ABHD5: variants seen among roughly 807,000 people sequenced by gnomAD.
The protein encoded by ABHD5 is abhydrolase domain containing 5, lysophosphatidic acid acyltransferase.
Under a neutral mutation model 44.9 loss-of-function variants are expected in ABHD5, and 30 were observed. The observed-to-expected ratio is 0.67, with a 90% CI of 0.50 to 0.91. The LOEUF (loss-of-function observed/expected upper bound fraction) is 0.91. ABHD5 is among the 40% of genes least tolerant of loss of function. The pLI is 0.00. For synonymous variants in ABHD5, 167 were observed against 147.0 expected (o/e 1.14, Z -0.99); for missense variants, 399 against 423.4 (o/e 0.94, Z 0.50).
In ABHD5 at chr3:43,717,703, C is replaced by T. The variant is rs773285310; in HGVS notation, c.806C>T (p.Pro269Leu). ...ACAGCTTTCAAGAATATGACTATTC[C>T]TTATGGATGGGCAAAAAGGCCAATG... ...GETAFKNMTI[P>L]YGWAKRPMLQ... Residue 269 changes from proline to leucine, a missense_variant, in exon 6 of 7, where the codon CCT becomes CTT. Pro to Leu is a moderately conservative substitution (Grantham distance 98, BLOSUM62 -3). Transcript: ENST00000644371. The T allele has an allele frequency of 4.3e-6, 7 of 1,614,046 alleles. No homozygotes were observed. The East Asian group carries it at 1.6e-4, about 36-fold the overall frequency.
In ABHD5 at chr3:43,717,782, C is replaced by T. The variant is rs746970260; in HGVS notation, c.885C>T (p.Gly295=). 44 of 1,614,120 alleles carry T rather than the reference C, an allele frequency of 2.7e-5. No homozygotes were observed. Among genetic ancestry groups the T allele is most frequent in the South Asian group, 2.6e-4 (24 of 91,092 alleles). The part of the protein sequence containing the change: ...HPDIPVSVIF[G]ARSCIDGNSG... Reference sequence around the variant, plus strand: ...ACATTCCAGTTTCAGTGATCTTTGGCGCCCGATCCTGCATAGATGGCAATT... The same window carrying T: ...ACATTCCAGTTTCAGTGATCTTTGGTGCCCGATCCTGCATAGATGGCAATT... The change falls in exon 6 of 7, where the codon GGC becomes GGT. Residue 295 remains glycine, a synonymous_variant. Transcript: ENST00000644371.
chr3:43,711,663 G>C, intron 3 of ABHD5, 46 bp from the exon 4 acceptor site: 1 of 1,605,174 alleles, frequency 6.2e-7, no homozygotes, highest in Non-Finnish European at 8.5e-7. Flanking sequence ...TATAGTCTTA[G>C]GGTGATTTTA....
In ABHD5 at chr3:43,718,637, C is replaced by A. The variant is rs540845485; in HGVS notation, c.*105C>A. The A allele has an allele frequency of 6.4e-6, 7 of 1,092,622 alleles. No homozygotes were observed. The highest frequency in any genetic ancestry group is 1.5e-5 in the African/African-American group (1 of 64,522). The allele number at this position is 1,092,622 out of a possible 1,614,324, so 67.7% of individuals were successfully genotyped here. Reference sequence around the variant, plus strand: ...GTGAATACAACACACAACCAGGCAGCCTTCTTGACTATACTTTGCACATGT... The same window carrying A: ...GTGAATACAACACACAACCAGGCAGACTTCTTGACTATACTTTGCACATGT... On this transcript the variant is annotated 3_prime_UTR_variant, in exon 7 of 7. Coordinates refer to ENST00000644371, the MANE Select transcript of ABHD5 (RefSeq NM_016006.6).
In ABHD5 at chr3:43,699,334, A is replaced by G; in HGVS notation, c.106A>G (p.Lys36Glu). Residue 36 changes from lysine (K) to glutamate (E), a missense_variant, in exon 2 of 7, where the codon AAA becomes GAA. Coordinates refer to ENST00000644371, the MANE Select transcript of ABHD5 (RefSeq NM_016006.6). ...TWCPTSISHL[K>E]EAEEKMLKCV... ...GTGCCCTACGTCTATATCACACCTTAAAGAAGCTGAAGAGAAGATGTTAAA... is the reference window on the plus strand; with the variant it reads ...GTGCCCTACGTCTATATCACACCTTGAAGAAGCTGAAGAGAAGATGTTAAA... 2 of 1,613,948 alleles carry G rather than the reference A, an allele frequency of 1.2e-6. No homozygotes were observed. Among genetic ancestry groups the G allele is most frequent in the Middle Eastern group, 1.6e-4 (1 of 6,062 alleles).
chr3:43,701,520 TTAAAG>T (rs1473799109), intron 2 of ABHD5, among the ~76,000 whole-genome samples: 1 of 152,196 alleles, frequency 6.6e-6, no homozygotes, highest in Non-Finnish European at 1.5e-5. Flanking sequence ...TTGGGAGTGT[TTAAAG>T]TATTTAGTTC....
chr3:43,711,087 A>T (rs1559415951), intron 3 of ABHD5, among the ~76,000 whole-genome samples: 1 of 152,240 alleles, frequency 6.6e-6, no homozygotes, highest in Non-Finnish European at 1.5e-5. Flanking sequence ...ATCATGGATA[A>T]GGTAGATAGA....
chr3:43,698,757 G>T (rs965449429), intron 1 of ABHD5, among the ~76,000 whole-genome samples: 3 of 152,196 alleles, frequency 2.0e-5, no homozygotes, highest in African/African-American at 7.2e-5. Flanking sequence ...TCCCACATTT[G>T]TGTTAGGGGT....
intron 2 of ABHD5, 128 bp downstream of exon 2, chr3:43,699,489 TC>T (rs1355768599): frequency 1.1e-6 from 1 of 926,934 alleles, no homozygotes; most frequent in African/African-American, 1.6e-5. Flanking sequence ...TTTTTCCTTT[TC>T]CTTGTCATTA....
In ABHD5 at chr3:43,711,717, A is replaced by G. The variant is rs1430242765; in HGVS notation, c.515A>G (p.His172Arg). The change falls in exon 4 of 7, where the codon CAT becomes CGT. Residue 172 changes from histidine to arginine, a missense_variant. Physicochemically the swap from His to Arg is conservative, Grantham distance 29 (BLOSUM62 0). Transcript: ENST00000644371. ...YSLKYPSRVN[H>R]LILVEPWGFP... The stretch of plus-strand genomic sequence containing the variant: ...ATTCTTTCCCCCAACAGGGTTAATC[A>G]TCTCATTTTAGTGGAGCCTTGGGGT... 2 of 1,614,156 alleles carry G rather than the reference A, an allele frequency of 1.2e-6. No individual in the cohort carries two copies. The highest frequency in any genetic ancestry group is 1.1e-5 in the South Asian group (1 of 91,082).
chr3:43,704,033 C>CTTTTTT (rs10544525), intron 3 of ABHD5, among the ~76,000 whole-genome samples: 10 of 84,858 alleles, frequency 1.2e-4, no homozygotes, highest in Middle Eastern at 8.3e-3. Flanking sequence ...TCTTTATTTT[C>CTTTTTT]TTTTTTTTTT....
In ABHD5 at chr3:43,717,134, A is replaced by G. The variant is rs1267364651; in HGVS notation, c.774-537A>G. On this transcript the variant is annotated intron_variant, in intron 5 of 6. Coordinates refer to ENST00000644371, the MANE Select transcript of ABHD5 (RefSeq NM_016006.6). ...TGCAGTGAGCTGAGACTGTGCGTGC[A>G]GCTGCACTCCAGCCTAGGCAACAGA... Among the ~76,000 whole-genome samples the G allele has an allele frequency of 2.0e-5, 3 of 152,124 alleles. No homozygotes were observed. The East Asian group carries it at 5.8e-4, about 29-fold the overall frequency.
At chr3:43,716,899 C>T (rs2084769446) in intron 5 of ABHD5, among the ~76,000 whole-genome samples, 1 of 152,130 alleles carries the variant, frequency 6.6e-6, no homozygotes. Flanking sequence ...AGGGACCAGG[C>T]GTGGTACTCA....
chr3:43,699,613 G>A, intron 2 of ABHD5: 2 of 399,508 alleles, frequency 5.0e-6, no homozygotes, highest in East Asian at 4.5e-5. Context: ...ATTTGTTTAT[G>A]GGCTTATTAT....
At chr3:43,704,549 G>A (rs2084591390) in intron 3 of ABHD5, among the ~76,000 whole-genome samples, 1 of 152,130 alleles carries the variant, frequency 6.6e-6, no homozygotes. Context: ...AACTCTGCAG[G>A]CTAGACCTTG....
chr3:43,725,911 C>T (rs932709410), downstream of ABHD5, among the ~76,000 whole-genome samples: 6 of 151,780 alleles, frequency 4.0e-5, no homozygotes, highest in African/African-American at 1.5e-4. Flanking sequence ...CCTCTGTTGC[C>T]CAGGCTGGAG....
intron 4 of ABHD5, 102 bp from the exon 5 acceptor site, chr3:43,714,845 T>C: frequency 1.3e-6 from 1 of 762,924 alleles, no homozygotes; most frequent in Non-Finnish European, 2.3e-6. Context: ...TGTGTGCATA[T>C]AACACTCATT....
chr3:43,706,544 T>C (rs1478092916), intron 3 of ABHD5, among the ~76,000 whole-genome samples: 1 of 152,054 alleles, frequency 6.6e-6, no homozygotes, highest in Non-Finnish European at 1.5e-5. Flanking sequence ...CATAGCTCAC[T>C]GCAGCCTTGA....
chr3:43,697,672 A>G (rs1378887042), intron 1 of ABHD5, among the ~76,000 whole-genome samples: 1 of 152,220 alleles, frequency 6.6e-6, no homozygotes, highest in Non-Finnish European at 1.5e-5. Flanking sequence ...GAGAGATATG[A>G]AGTACTGGAA....
intron 2 of ABHD5, among the ~76,000 whole-genome samples, chr3:43,700,237 AT>A (rs1313762450): frequency 3.9e-5 from 6 of 152,168 alleles, no homozygotes; most frequent in Admixed American, 1.3e-4. Context: ...AGGATTCTAT[AT>A]TTATAGTGGT....
Sources: allele counts gnomAD v4.1 joint callset (sites outside exome capture counted in the v4.1 genomes callset), GRCh38; gene constraint gnomAD v4.1.1; transcripts MANE v1.5; gene names NCBI Gene and HGNC (gene_info 2026-07-23, HGNC 2026-07-21).